GEMIN2: variants seen among roughly 807,000 people sequenced by gnomAD.
GEMIN2 encodes the protein gem nuclear organelle associated protein 2, also known as gem-associated protein 2.
Under a neutral mutation model 45.8 loss-of-function variants are expected in GEMIN2, and 37 were observed. The observed-to-expected ratio is 0.81, with a 90% confidence interval of 0.62 to 1.06. The LOEUF (loss-of-function observed/expected upper bound fraction) is 1.06, where lower values mean the gene tolerates loss of function less well. GEMIN2 is among the 50% of genes least tolerant of loss of function. The pLI is 0.00. For missense variants in GEMIN2, 335 were observed against 321.8 expected, an observed-to-expected ratio of 1.04 and a Z score of -0.31; for synonymous variants, 101 against 111.5, an observed-to-expected ratio of 0.91 and a Z score of 0.60.
At chr14:39,121,910 TGG>T in intron 4 of GEMIN2, 1 of 166,226 alleles carries the variant, frequency 6.0e-6, no homozygotes. Context: ...TTAGTAGAGG[TGG>T]GGTTTTGCCA....
At chr14:39,122,405 A>G in intron 4 of GEMIN2, 25 bp from the exon 5 acceptor site, 1 of 1,131,668 alleles carries the variant, frequency 8.8e-7, no homozygotes, top group African/African-American at 1.6e-5. Flanking sequence ...ACAGGAATAA[A>G]TCAGTTTTTT....
intron 2 of GEMIN2, among the ~76,000 whole-genome samples, chr14:39,116,021 G>A (rs2052500224): frequency 6.6e-6 from 1 of 151,736 alleles, no homozygotes; most frequent in African/African-American, 2.4e-5. Context: ...TACTGTAGAG[G>A]AATCATAGAA....
At chr14:39,115,694 A>T (rs1306200555) in intron 2 of GEMIN2, among the ~76,000 whole-genome samples, 2 of 151,886 alleles carry the variant, frequency 1.3e-5, no homozygotes, top group African/African-American at 4.8e-5. Context: ...TGACCTCGTG[A>T]TGCGCCCACC....
intron 7 of GEMIN2, 45 bp from the exon 8 acceptor site, chr14:39,131,913 G>A: frequency 1.1e-6 from 1 of 880,364 alleles, no homozygotes; most frequent in Non-Finnish European, 1.9e-6. Context: ...ATAAACTTCT[G>A]GTTCAGTATT....
chr14:39,126,432 A>G (rs2052642180), intron 6 of GEMIN2, among the ~76,000 whole-genome samples: 1 of 152,052 alleles, frequency 6.6e-6, no homozygotes, highest in South Asian at 2.1e-4. Context: ...CTCCCACCTC[A>G]GCCTCCCAAA....
At chr14:39,129,934 G>GTTTTTTTTTTTTTTT (rs34165330) in intron 7 of GEMIN2, among the ~76,000 whole-genome samples, 1 of 61,400 alleles carries the variant, frequency 1.6e-5, no homozygotes, top group African/African-American at 6.1e-5. Flanking sequence ...AGACAAGTTT[G>GTTTTTTTTTTTTTTT]TTTTTTTTTT....
At position 39,129,419 on chromosome 14, in the gene GEMIN2, A is replaced by G. The variant is rs533870359; in HGVS notation, c.600+1071A>G. Among the ~76,000 whole-genome samples, 32 of 151,962 alleles carry G rather than the reference A, an allele frequency of 2.1e-4. No homozygotes were observed. In the East Asian group the frequency reaches 5.4e-3, roughly 26 times the overall value. On this transcript the variant is annotated intron_variant, in intron 7 of 9. Transcript: ENST00000308317. ...TACGGTATTTATTTATTTTTTATTT[A>G]TTTGTTTGTTTTGACATGGAATCTC...
intron 1 of GEMIN2, 98 bp from the exon 2 acceptor site, chr14:39,114,731 G>T: frequency 2.7e-6 from 2 of 749,626 alleles, no homozygotes; most frequent in Admixed American, 5.0e-5. Flanking sequence ...ATTTTTTTCT[G>T]ATTTCACAAT....
intron 7 of GEMIN2, 29 bp downstream of exon 7, chr14:39,128,377 T>C: frequency 1.5e-6 from 2 of 1,294,906 alleles, no homozygotes; most frequent in Non-Finnish European, 2.2e-6. Flanking sequence ...CTTTTCATAA[T>C]GTAGGCAAAA....
In GEMIN2 at chr14:39,133,641, T is replaced by G; in HGVS notation, c.712-20T>G. 7.3e-7 allele frequency: 1 copy of G among 1,366,406 alleles called. No individual in the cohort carries two copies. Among genetic ancestry groups the G allele is most frequent in the Non-Finnish European group, 1.0e-6 (1 of 994,422 alleles). 84.6% of individuals were successfully genotyped at this position (1,366,406 alleles called of 1,614,324 possible). On this transcript the variant is annotated intron_variant, in intron 8 of 9. Transcript: ENST00000308317. ...TAATAGGAACAGACAATATTTAAAT[T>G]TTTCTTTTTTTTTTTTTAGGATAGC...
intron 6 of GEMIN2, among the ~76,000 whole-genome samples, chr14:39,127,013 TC>T (rs2052651478): frequency 6.6e-6 from 1 of 151,914 alleles, no homozygotes; most frequent in African/African-American, 2.4e-5. Flanking sequence ...TCCACCCGCC[TC>T]AGCCTCCCAA....
chr14:39,114,941 AC>A lies in GEMIN2; in HGVS notation c.222+33del, dbSNP rs760926101. The A allele has an allele frequency of 2.8e-5, 27 of 970,864 alleles. No homozygotes were observed. In the South Asian group the frequency reaches 3.0e-4, roughly 11 times the overall value. The allele number at this position is 970,864 out of a possible 1,614,324, so 60.1% of individuals were successfully genotyped here. A position where few individuals can be genotyped will look rare whatever the true frequency, so the allele number is the denominator to read the frequency against. On this transcript the variant is annotated intron_variant, in intron 2 of 9. Transcript: ENST00000308317. Reference sequence around the variant, plus strand: ...GAGTTTTATTAACCGTCTGGAGATTACCCCCAACCCCCCAATTAAAAGACTA... The same window carrying A: ...GAGTTTTATTAACCGTCTGGAGATTACCCCAACCCCCCAATTAAAAGACTA...
chr14:39,125,121 C>A (rs1383762282), intron 6 of GEMIN2, 85 bp downstream of exon 6: 1 of 729,432 alleles, frequency 1.4e-6, no homozygotes, highest in South Asian at 1.6e-5. Context: ...ATACTGAATT[C>A]TTACAGTATG....
At chr14:39,126,763 G>C (rs1380651386) in intron 6 of GEMIN2, among the ~76,000 whole-genome samples, 1 of 94,198 alleles carries the variant, frequency 1.1e-5, no homozygotes, top group African/African-American at 3.1e-5. Context: ...TTTTTGTTTT[G>C]TTTTGTTTTG....
rs565032673 is a variant in GEMIN2 at position 39,134,966 on chromosome 14, GTGTTTT to G, written c.770+1266_770+1271del. Among the ~76,000 whole-genome samples, 228 of 152,156 alleles carry G rather than the reference GTGTTTT, an allele frequency of 1.5e-3. 2 individuals are homozygous for G. Among genetic ancestry groups the G allele is most frequent in the African/African-American group, 4.2e-3 (173 of 41,490 alleles). The stretch of plus-strand genomic sequence containing the variant: ...CTACTCTTTACAATAGATCAGAGTT[GTGTTTT>G]TGTTTTTGTTTTTGTTTTAATAAAT... On this transcript the variant is annotated intron_variant, in intron 9 of 9. Coordinates refer to ENST00000308317, the MANE Select transcript of GEMIN2 (RefSeq NM_003616.3).
At chr14:39,133,794 T>C (rs1368435627) in intron 9 of GEMIN2, 75 bp downstream of exon 9, 2 of 891,520 alleles carry the variant, frequency 2.2e-6, no homozygotes, top group Non-Finnish European at 3.4e-6. Context: ...TTACATTTGG[T>C]TTTTGTTTGG....
chr14:39,114,428 TCCCTCGGTA>T lies in GEMIN2; in HGVS notation c.94_102del (p.Ser32_Pro34del), dbSNP rs776105892. On this transcript the variant is annotated inframe_deletion, in exon 1 of 10. Coordinates refer to ENST00000308317, the MANE Select transcript of GEMIN2 (RefSeq NM_003616.3). ...CTTGCGACTTGACGGAAGGTTTCGATCCCTCGGTACCCCCGAGGACGCCTCAGGAATACC... is the reference window on the plus strand; with the variant it reads ...CTTGCGACTTGACGGAAGGTTTCGATCCCCCGAGGACGCCTCAGGAATACC... The T allele has an allele frequency of 1.2e-6, 2 of 1,613,954 alleles. No individual in the cohort carries two copies. Among genetic ancestry groups the T allele is most frequent in the Non-Finnish European group, 1.7e-6 (2 of 1,179,826 alleles).
chr14:39,125,256 C>T (rs1242708654), intron 6 of GEMIN2, among the ~76,000 whole-genome samples: 3 of 152,108 alleles, frequency 2.0e-5, no homozygotes, highest in African/African-American at 4.8e-5. Context: ...AAGTAACTTG[C>T]AGGTGGTTTT....
chr14:39,135,765 A>G (rs972524203), intron 9 of GEMIN2, among the ~76,000 whole-genome samples: 2 of 152,204 alleles, frequency 1.3e-5, no homozygotes, highest in East Asian at 3.8e-4. Context: ...TTATAATTAC[A>G]TAAAATAGTT....
Sources: gnomAD v4.1 joint callset for allele counts (sites outside exome capture counted in the v4.1 genomes callset) on GRCh38, gnomAD v4.1.1 for gene constraint, MANE v1.5 for transcripts, NCBI Gene and HGNC (gene_info 2026-07-23, HGNC 2026-07-21) for gene names.